DCLK1: variants seen among roughly 807,000 people sequenced by gnomAD.
The protein encoded by DCLK1 is serine/threonine-protein kinase DCLK1.
A neutral mutation model predicts 86.2 loss-of-function variants in DCLK1; 16 were observed. The observed-to-expected ratio is 0.19, with a 90% CI of 0.13 to 0.28. The LOEUF (loss-of-function observed/expected upper bound fraction) is 0.28, where lower values mean the gene tolerates loss of function less well. Ranked by LOEUF, DCLK1 falls within the 10% of genes least tolerant of loss-of-function variation. DCLK1 has a pLI of 1.00. For missense variants in DCLK1, 590 were observed against 940.2 expected, an observed-to-expected ratio of 0.63 and a Z score of 4.87; for synonymous variants, 369 against 370.5, an observed-to-expected ratio of 1.00 and a Z score of 0.05.
At chr13:36,050,068 G>T (rs1883069298) in intron 3 of DCLK1, among the ~76,000 whole-genome samples, 1 of 152,158 alleles carries the variant, frequency 6.6e-6, no homozygotes, top group African/African-American at 2.4e-5. Flanking sequence ...TTAACAGTCA[G>T]CTCAAGTGAG....
At chr13:35,782,656 A>C (rs1421501266) in intron 16 of DCLK1, among the ~76,000 whole-genome samples, 1 of 152,230 alleles carries the variant, frequency 6.6e-6, no homozygotes, top group Non-Finnish European at 1.5e-5. Flanking sequence ...CAGTGAAAAA[A>C]TGGTCCCTTC....
intron 4 of DCLK1, among the ~76,000 whole-genome samples, chr13:35,935,897 T>C (rs1876726215): frequency 2.6e-5 from 4 of 152,132 alleles, no homozygotes; most frequent in Non-Finnish European, 5.9e-5. Flanking sequence ...GCTTTGCTTA[T>C]TGCATACCAT....
chr13:36,019,942 T>G (rs1409599154), intron 3 of DCLK1, among the ~76,000 whole-genome samples: 2 of 152,196 alleles, frequency 1.3e-5, no homozygotes, highest in African/African-American at 4.8e-5. Context: ...GGAAAGTGTT[T>G]GGGTCATGGG....
chr13:35,792,268 G>A (rs1436552966), intron 16 of DCLK1, among the ~76,000 whole-genome samples: 4 of 152,148 alleles, frequency 2.6e-5, no homozygotes, highest in Non-Finnish European at 4.4e-5. Flanking sequence ...GTGTATGCAT[G>A]CATTCGTACC....
chr13:36,010,151 A>T (rs1457633766), intron 3 of DCLK1, among the ~76,000 whole-genome samples: 8 of 28,724 alleles, frequency 2.8e-4, no homozygotes, highest in Middle Eastern at 0.011. Context: ...TTTCTAGATA[A>T]ACAATCATGT....
intron 5 of DCLK1, among the ~76,000 whole-genome samples, chr13:35,856,731 A>G (rs1871083179): frequency 6.6e-6 from 1 of 152,208 alleles, no homozygotes; most frequent in Admixed American, 6.5e-5. Context: ...ATTTATTTTT[A>G]TTGAAGGCAT....
intron 11 of DCLK1, among the ~76,000 whole-genome samples, chr13:35,815,966 C>A (rs1566547378): frequency 6.6e-6 from 1 of 152,080 alleles, no homozygotes; most frequent in African/African-American, 2.4e-5. Context: ...CAATATTACA[C>A]TGGAGATATC....
chr13:35,961,043 T>C (rs149869097), intron 3 of DCLK1, among the ~76,000 whole-genome samples: 1 of 152,210 alleles, frequency 6.6e-6, no homozygotes, highest in Non-Finnish European at 1.5e-5. Context: ...CTTTAAACAA[T>C]GCAGCAATAT....
chr13:35,976,525 G>GTTTTTTTTTTTTTTTTTTTTTTTTTT lies in DCLK1; in HGVS notation c.724-29069_724-29068insAAAAAAAAAAAAAAAAAAAAAAAAAA, dbSNP rs11294824. On this transcript the variant is annotated intron_variant, in intron 3 of 16. Transcript: ENST00000360631. The stretch of plus-strand genomic sequence containing the variant: ...CTCCCAGCACTTCAGCTTCTCCGAG[G>GTTTTTTTTTTTTTTTTTTTTTTTTTT]TTTTTTTTTTTTTTTTTTTTTTTGA... 9.8e-4 allele frequency among the ~76,000 whole-genome samples: 55 copies of GTTTTTTTTTTTTTTTTTTTTTTTTTT among 56,368 alleles called. 10 individuals are homozygous for GTTTTTTTTTTTTTTTTTTTTTTTTTT. Among genetic ancestry groups the GTTTTTTTTTTTTTTTTTTTTTTTTTT allele is most frequent in the South Asian group, 1.7e-3 (2 of 1,184 alleles). 37.0% of individuals were successfully genotyped at this position (56,368 alleles called of 152,430 possible).
intron 15 of DCLK1, among the ~76,000 whole-genome samples, chr13:35,805,120 G>T (rs999228297): frequency 1.3e-5 from 2 of 152,148 alleles, no homozygotes; most frequent in African/African-American, 4.8e-5. Context: ...GCTCTAATCT[G>T]GACCGCAGAA....
intron 3 of DCLK1, among the ~76,000 whole-genome samples, chr13:36,069,121 AC>A (rs1399901129): frequency 4.6e-5 from 7 of 152,222 alleles, no homozygotes; most frequent in Non-Finnish European, 8.8e-5. Flanking sequence ...AGATGAAGAA[AC>A]CGAAGTTTTG....
chr13:35,945,695 T>C (rs190128647), intron 4 of DCLK1, among the ~76,000 whole-genome samples: 33 of 152,256 alleles, frequency 2.2e-4, no homozygotes, highest in African/African-American at 7.7e-4. Flanking sequence ...TGTCTGACTC[T>C]TGACTTTCAC....
Position 35,932,343 on chromosome 13 carries a change from A to C in DCLK1, c.823+15015T>G, listed in dbSNP as rs1593744345. The stretch of plus-strand genomic sequence containing the variant: ...GCTTTCCTGGGTCACCAGCTTATAA[A>C]CCACAGGTTGTGGGACTTCTCAGCC... On this transcript the variant is annotated intron_variant, in intron 4 of 16. Transcript: ENST00000360631. 2.0e-5 allele frequency among the ~76,000 whole-genome samples: 3 copies of C among 152,030 alleles called. No individual in the cohort carries two copies. The South Asian group carries it at 6.2e-4, about 32-fold the overall frequency.
At chr13:35,825,595 T>C (rs1163066534) in intron 10 of DCLK1, among the ~76,000 whole-genome samples, 1 of 151,866 alleles carries the variant, frequency 6.6e-6, no homozygotes. Context: ...ACAGTGGGGG[T>C]AAGTCAATAA....
chr13:35,846,050 G>T (rs1197639651), intron 6 of DCLK1: 6 of 985,224 alleles, frequency 6.1e-6, no homozygotes, highest in Non-Finnish European at 7.2e-6. Flanking sequence ...TTCAAAATTG[G>T]GTAGTTCAAT....
rs773502848 is a variant in DCLK1 at position 35,822,795 on chromosome 13, G to T, written c.1488C>A (p.Ala496=). ...RDASGMLYNL[A]SAIKYLHSLN... is the part of the protein sequence containing the mutation. Reference sequence around the variant, plus strand: ...GGCTATGCAGGTATTTGATGGCGCTGGCTAGGTTGTACAGCATCCCACTGG... The same window carrying T: ...GGCTATGCAGGTATTTGATGGCGCTTGCTAGGTTGTACAGCATCCCACTGG... Residue 496 remains alanine, a synonymous_variant, in exon 11 of 17, where the codon GCC becomes GCA. Coordinates refer to ENST00000360631, the MANE Select transcript of DCLK1 (RefSeq NM_001330071.2). 2 of 1,613,754 alleles carry T rather than the reference G, an allele frequency of 1.2e-6. No homozygotes were observed. Among genetic ancestry groups the T allele is most frequent in the South Asian group, 2.2e-5 (2 of 91,028 alleles).
At chr13:35,865,115 G>A (rs943220) in intron 5 of DCLK1, among the ~76,000 whole-genome samples, 65,471 of 151,886 alleles carry the variant, frequency 0.43, 14,490 homozygotes, top group African/African-American at 0.52. Flanking sequence ...AAACCAAAGT[G>A]ATGCATATTT....
At chr13:36,022,419 G>C (rs778036597) in intron 3 of DCLK1, among the ~76,000 whole-genome samples, 13 of 151,672 alleles carry the variant, frequency 8.6e-5, no homozygotes, top group Non-Finnish European at 1.6e-4. Context: ...AATCAGAGTA[G>C]ACATAAATAA....
In DCLK1 at chr13:36,078,988, C is replaced by T. The variant is rs144574386; in HGVS notation, c.723+32881G>A. Among the ~76,000 whole-genome samples the T allele has an allele frequency of 7.2e-4, 109 of 152,168 alleles. 1 individual carries two copies. The highest frequency in any genetic ancestry group is 6.8e-3 in the Middle Eastern group (2 of 294). On this transcript the variant is annotated intron_variant, in intron 3 of 16. Transcript: ENST00000360631. ...ACAGATACTCAGAAAAGGAGCTCTG[C>T]AGTCAGGGAGAGAAAATCAACCAAT...
Sources: gnomAD v4.1 joint callset for allele counts (sites outside exome capture counted in the v4.1 genomes callset) on GRCh38, gnomAD v4.1.1 for gene constraint, MANE v1.5 for transcripts, NCBI Gene and HGNC (gene_info 2026-07-23, HGNC 2026-07-21) for gene names.